Variants in PITRM1 observed in about 807,000 individuals in gnomAD.
PITRM1 encodes pitrilysin metallopeptidase 1.
PITRM1 carries 100 observed loss-of-function variants against 129.9 expected under a neutral mutation model. That is an observed-to-expected ratio of 0.77 (90% CI 0.65 to 0.91). The LOEUF (loss-of-function observed/expected upper bound fraction) is 0.91, where lower values mean the gene tolerates loss of function less well. Among genes scored for constraint, PITRM1 ranks in the 40% least tolerant of loss-of-function variants. The pLI is 0.00. For missense variants in PITRM1, 1,471 were observed against 1,318.3 expected (o/e 1.12, Z -1.79); for synonymous variants, 591 against 508.8 (o/e 1.16, Z -2.17).
At chr10:3,149,358 T>C (rs1841264658) in intron 16 of PITRM1, 1 of 311,296 alleles carries the variant, frequency 3.2e-6, no homozygotes, top group Non-Finnish European at 5.8e-6. Context: ...CCATCAATCC[T>C]TTCCAAAGCT....
chr10:3,151,059 G>A (rs1381589181), intron 15 of PITRM1, 188 bp downstream of exon 15: 1 of 564,504 alleles, frequency 1.8e-6, no homozygotes, highest in African/African-American at 1.9e-5. Flanking sequence ...CTGAGTGAAG[G>A]AGTCTATCAC....
intron 14 of PITRM1, among the ~76,000 whole-genome samples, chr10:3,151,605 CT>C (rs1841524496): frequency 6.6e-6 from 1 of 152,198 alleles, no homozygotes; most frequent in Non-Finnish European, 1.5e-5. Context: ...TTAAGGAATT[CT>C]GCTAGGAAGT....
At chr10:3,149,892 A>C in intron 15 of PITRM1, 139 bp from the exon 16 acceptor site, 1 of 915,706 alleles carries the variant, frequency 1.1e-6, no homozygotes, top group East Asian at 2.6e-5. Context: ...TAAATTTCCC[A>C]ATCATATTTT....
chr10:3,168,324 TAC>T (rs1433607593), intron 2 of PITRM1, among the ~76,000 whole-genome samples: 1 of 152,240 alleles, frequency 6.6e-6, no homozygotes, highest in African/African-American at 2.4e-5. Flanking sequence ...AGTCAGCAGA[TAC>T]AGTGAGATGT....
In PITRM1 at chr10:3,138,021, C is replaced by T. The variant is rs773493342; in HGVS notation, c.*10G>A. The T allele has an allele frequency of 1.3e-6, 2 of 1,563,046 alleles. No individual in the cohort carries two copies. Among genetic ancestry groups the T allele is most frequent in the Admixed American group, 1.7e-5 (1 of 57,884 alleles). ...TCTCGGGCTCCTGTGCAGTCGAGCGCCACGGCTGCTCATTGGATGATCCAG... is the reference window on the plus strand; with the variant it reads ...TCTCGGGCTCCTGTGCAGTCGAGCGTCACGGCTGCTCATTGGATGATCCAG... On this transcript the variant is annotated 3_prime_UTR_variant, in exon 27 of 27. Coordinates refer to ENST00000224949, the MANE Select transcript of PITRM1 (RefSeq NM_014889.4).
intron 4 of PITRM1, among the ~76,000 whole-genome samples, 172 bp downstream of exon 4, chr10:3,166,057 T>C (rs1588714992): frequency 1.3e-5 from 2 of 152,234 alleles, no homozygotes; most frequent in East Asian, 3.8e-4. Context: ...CTCGCTACCA[T>C]GTGGCTTTCC....
Position 3,158,910 on chromosome 10 carries a change from TC to T in PITRM1, c.1136+3del, listed in dbSNP as rs1483716752. 1 of 1,612,460 alleles carries T rather than the reference TC, an allele frequency of 6.2e-7. No individual in the cohort carries two copies. The highest frequency in any genetic ancestry group is 8.5e-7 in the Non-Finnish European group (1 of 1,179,326). ...CTACTGATCTAATCTAATCATAAAC[TC>T]ACCCAACATCAGGAGAAAAGTCTGT... On this transcript the variant is annotated splice_donor_region_variant and intron_variant, in intron 10 of 26. Transcript: ENST00000224949.
intron 13 of PITRM1, 106 bp downstream of exon 13, chr10:3,156,824 C>G (rs1430862718): frequency 1.5e-6 from 1 of 648,252 alleles, no homozygotes; most frequent in Non-Finnish European, 2.4e-6. Flanking sequence ...TTAAGTCACC[C>G]ATTAACAGAA....
At chr10:3,142,546 CTG>C (rs1185466675) in intron 23 of PITRM1, among the ~76,000 whole-genome samples, 1 of 152,258 alleles carries the variant, frequency 6.6e-6, no homozygotes, top group Non-Finnish European at 1.5e-5. Flanking sequence ...AGGTGCACGT[CTG>C]TGAGTCTGTC....
At chr10:3,138,161 T>TA (rs1304204962) in intron 26 of PITRM1, 37 bp from the exon 27 acceptor site, 1 of 1,575,400 alleles carries the variant, frequency 6.3e-7, no homozygotes, top group Admixed American at 1.7e-5. Flanking sequence ...AAGGACTGGC[T>TA]TCTGCGTGAG....
At chr10:3,169,828 C>T (rs535545966) in intron 2 of PITRM1, among the ~76,000 whole-genome samples, 21 of 152,200 alleles carry the variant, frequency 1.4e-4, no homozygotes, top group Non-Finnish European at 1.9e-4. Flanking sequence ...GCTGCAGAAA[C>T]GCTAGTGTGT....
intron 10 of PITRM1, among the ~76,000 whole-genome samples, chr10:3,158,567 C>T (rs11599397): frequency 0.067 from 10,185 of 152,184 alleles, 394 homozygotes; most frequent in Non-Finnish European, 0.091. Flanking sequence ...AATTCTAATA[C>T]TTAATGACCT....
In PITRM1 at chr10:3,166,902, A is replaced by T. The variant is rs750657619; in HGVS notation, c.266+34T>A. On this transcript the variant is annotated intron_variant, in intron 3 of 26. Coordinates refer to ENST00000224949, the MANE Select transcript of PITRM1 (RefSeq NM_014889.4). ...GGACATTCCTGATTTAAATAAAAAC[A>T]TTCAAGACCATGTTCTTACAATGCA... 6 of 1,270,966 alleles carry T rather than the reference A, an allele frequency of 4.7e-6. No individual in the cohort carries two copies. In the African/African-American group the frequency reaches 7.4e-5, roughly 16 times the overall value. 78.7% of individuals were successfully genotyped at this position (1,270,966 alleles called of 1,614,324 possible). A position where few individuals can be genotyped will look rare whatever the true frequency, so the allele number is the denominator to read the frequency against.
chr10:3,169,209 C>A (rs1843140268), intron 2 of PITRM1, among the ~76,000 whole-genome samples: 1 of 152,216 alleles, frequency 6.6e-6, no homozygotes, highest in African/African-American at 2.4e-5. Flanking sequence ...AGTGTCTTTG[C>A]CTGGCCTTTG....
chr10:3,147,043 AC>A (rs1840949279), intron 20 of PITRM1, 106 bp downstream of exon 20: 1 of 573,986 alleles, frequency 1.7e-6, no homozygotes. Context: ...AAATTCTATA[AC>A]CTTTACCAAG....
At chr10:3,167,223 G>A (rs1588719367) in intron 2 of PITRM1, among the ~76,000 whole-genome samples, 181 bp from the exon 3 acceptor site, 4 of 151,614 alleles carry the variant, frequency 2.6e-5, no homozygotes, top group Admixed American at 6.6e-5. Flanking sequence ...CTACAAACAA[G>A]GAAAGACAGA....
At chr10:3,144,730 A>G (rs1431515254) in intron 21 of PITRM1, among the ~76,000 whole-genome samples, 1 of 152,182 alleles carries the variant, frequency 6.6e-6, no homozygotes, top group Non-Finnish European at 1.5e-5. Context: ...ACTTGAGCCC[A>G]GGAGGTCACG....
chr10:3,139,317 G>A (rs1371454632), intron 24 of PITRM1, among the ~76,000 whole-genome samples: 1 of 152,164 alleles, frequency 6.6e-6, no homozygotes, highest in Non-Finnish European at 1.5e-5. Context: ...ACACTTCTCT[G>A]TGACCTCATC....
At chr10:3,162,327 T>C (rs1842525474) in intron 7 of PITRM1, among the ~76,000 whole-genome samples, 1 of 152,218 alleles carries the variant, frequency 6.6e-6, no homozygotes, top group Non-Finnish European at 1.5e-5. Flanking sequence ...TGTGGAGCTC[T>C]TCTTTGAAGA....
Sources: gnomAD v4.1 joint callset for allele counts (sites outside exome capture counted in the v4.1 genomes callset) on GRCh38, gnomAD v4.1.1 for gene constraint, MANE v1.5 for transcripts, NCBI Gene and HGNC (gene_info 2026-07-23, HGNC 2026-07-21) for gene names.